The following ZRANB1 variants were observed in gnomAD, a reference collection of about 807,000 sequenced individuals.
ZRANB1 encodes the protein zinc finger RANBP2-type containing 1, also known as ubiquitin thioesterase ZRANB1.
In ZRANB1, 16 loss-of-function variants were observed where a neutral mutation model predicts 80.5. That is an observed-to-expected ratio of 0.20 (90% CI 0.13 to 0.30). The LOEUF (loss-of-function observed/expected upper bound fraction) is 0.30, where lower values mean the gene tolerates loss of function less well. ZRANB1 is among the 10% of genes least tolerant of loss of function. The pLI is 1.00. For missense variants in ZRANB1, 576 were observed against 862.6 expected (o/e 0.67, Z 4.16); for synonymous variants, 291 against 293.1 (o/e 0.99, Z 0.07).
intron 6 of ZRANB1, among the ~76,000 whole-genome samples, chr10:124,982,037 T>G (rs147169025): frequency 3.2e-4 from 48 of 149,154 alleles, no homozygotes; most frequent in Non-Finnish European, 5.3e-4. Flanking sequence ...AAGTATAGAT[T>G]AGCATCGCAA....
chr10:124,965,336 G>T (rs1395787579), intron 1 of ZRANB1, among the ~76,000 whole-genome samples: 1 of 152,184 alleles, frequency 6.6e-6, no homozygotes, highest in Non-Finnish European at 1.5e-5. Context: ...GGGGCAGGGG[G>T]TCATTTTTTT....
At chr10:124,984,575 C>A in intron 8 of ZRANB1, 199 bp from the exon 9 acceptor site, 1 of 536,514 alleles carries the variant, frequency 1.9e-6, no homozygotes, top group Non-Finnish European at 3.2e-6. Context: ...AGAAATTTCC[C>A]ATTTATGTCT....
chr10:124,973,122 C>T (rs1161365993), intron 3 of ZRANB1, among the ~76,000 whole-genome samples: 1 of 152,008 alleles, frequency 6.6e-6, no homozygotes, highest in Non-Finnish European at 1.5e-5. Flanking sequence ...TTTAAGCTTA[C>T]CCCAGAATGA....
chr10:124,929,343 CTT>C, the ZRANB1 span, among the ~76,000 whole-genome samples: 732 of 140,752 alleles, frequency 5.2e-3, 4 homozygotes, highest in African/African-American at 0.015. Context: ...GGCACAGATT[CTT>C]TTTTTTTTTT....
In ZRANB1 at chr10:124,942,434, A is replaced by C. The variant is rs1951544052; in HGVS notation, c.-60A>C. The C allele has an allele frequency of 6.3e-7, 1 of 1,592,460 alleles. No individual in the cohort carries two copies. The highest frequency in any genetic ancestry group is 2.3e-5 in the East Asian group (1 of 44,322). On this transcript the variant is annotated 5_prime_UTR_variant, in exon 1 of 9. Coordinates refer to ENST00000359653, the MANE Select transcript of ZRANB1 (RefSeq NM_017580.3). ...GGAGGTGGAATGTAGTTATTTTAATAACCATGTCCTAATTATTTATAGCTT... is the reference window on the plus strand; with the variant it reads ...GGAGGTGGAATGTAGTTATTTTAATCACCATGTCCTAATTATTTATAGCTT...
chr10:124,980,026 A>G (rs1336640561), intron 5 of ZRANB1, among the ~76,000 whole-genome samples: 2 of 152,228 alleles, frequency 1.3e-5, no homozygotes, highest in Non-Finnish European at 2.9e-5. Context: ...GGATTTCCAT[A>G]TACATTTTAG....
At chr10:124,965,820 A>G (rs1382781902) in intron 1 of ZRANB1, among the ~76,000 whole-genome samples, 1 of 152,184 alleles carries the variant, frequency 6.6e-6, no homozygotes, top group Non-Finnish European at 1.5e-5. Context: ...AGACAGTATT[A>G]CTGTGTTTAC....
chr10:124,922,353 G>A, the ZRANB1 span, among the ~76,000 whole-genome samples: 1 of 131,042 alleles, frequency 7.6e-6, no homozygotes, highest in Non-Finnish European at 1.6e-5. Context: ...TTTTAATAGG[G>A]TCTCACTGTG....
intron 1 of ZRANB1, among the ~76,000 whole-genome samples, chr10:124,943,664 T>G (rs1951556126): frequency 6.6e-6 from 1 of 152,214 alleles, no homozygotes; most frequent in South Asian, 2.1e-4. Context: ...TGTACTAAAT[T>G]GCCCACAATT....
At chr10:124,919,323 T>A in the ZRANB1 span, among the ~76,000 whole-genome samples, 415 of 152,184 alleles carry the variant, frequency 2.7e-3, 4 homozygotes, top group African/African-American at 9.1e-3. Flanking sequence ...GGCGGGCGGA[T>A]CGCCTGAGGT....
chr10:124,953,102 T>C, intron 1 of ZRANB1, among the ~76,000 whole-genome samples: 1 of 150,414 alleles, frequency 6.6e-6, no homozygotes, highest in Non-Finnish European at 1.5e-5. Flanking sequence ...TTTTTTTTTT[T>C]TTTTTTTTAA....
intron 5 of ZRANB1, among the ~76,000 whole-genome samples, chr10:124,979,116 TGAGA>T: frequency 6.6e-6 from 1 of 152,148 alleles, no homozygotes. Context: ...ACAGTGTTGT[TGAGA>T]ATTTGAAGAA....
chr10:124,952,634 A>T (rs185310203), intron 1 of ZRANB1, among the ~76,000 whole-genome samples: 501 of 151,282 alleles, frequency 3.3e-3, no homozygotes, highest in Non-Finnish European at 5.5e-3. Context: ...TTGGAGATGG[A>T]GTTTTCGCTC....
upstream of ZRANB1, among the ~76,000 whole-genome samples, chr10:124,937,831 A>T (rs1269222783): frequency 6.6e-6 from 1 of 152,220 alleles, no homozygotes; most frequent in Non-Finnish European, 1.5e-5. Context: ...GCAGAGCTTG[A>T]TGCACAAATG....
chr10:124,986,523 A>C lies in ZRANB1; in HGVS notation c.*1531A>C, dbSNP rs1404201788. 6.6e-6 allele frequency: 1 copy of C among 152,212 alleles called. No individual in the cohort carries two copies. Among genetic ancestry groups the C allele is most frequent in the East Asian group, 1.9e-4 (1 of 5,204 alleles). 9.4% of individuals were successfully genotyped at this position (152,212 alleles called of 1,614,324 possible). ...TCAGTAAAAAGGTGTTCCCAGGATG[A>C]AAAGATCATTTTTTGCTGCATGCTA... On this transcript the variant is annotated 3_prime_UTR_variant, in exon 9 of 9. Coordinates refer to ENST00000359653, the MANE Select transcript of ZRANB1 (RefSeq NM_017580.3).
intron 1 of ZRANB1, among the ~76,000 whole-genome samples, chr10:124,951,175 T>C (rs1951635924): frequency 6.6e-6 from 1 of 152,208 alleles, no homozygotes; most frequent in South Asian, 2.1e-4. Context: ...AAGTAAATTA[T>C]TAAATTAGTA....
the ZRANB1 span, among the ~76,000 whole-genome samples, chr10:124,918,191 A>T: frequency 1.3e-5 from 2 of 152,100 alleles, no homozygotes; most frequent in African/African-American, 2.4e-5. Context: ...AATTGGAGAT[A>T]ATTTTTTTTT....
chr10:124,949,336 T>G (rs1327790188), intron 1 of ZRANB1, among the ~76,000 whole-genome samples: 4 of 151,934 alleles, frequency 2.6e-5, no homozygotes, highest in African/African-American at 9.7e-5. Context: ...GGAGCTGAGA[T>G]TTGGTTGGGG....
chr10:124,968,850 TTA>T (rs1951797646), intron 2 of ZRANB1, among the ~76,000 whole-genome samples: 1 of 152,168 alleles, frequency 6.6e-6, no homozygotes, highest in Non-Finnish European at 1.5e-5. Flanking sequence ...ATCAGTATAT[TTA>T]TTGCAGTATC....
Sources: gnomAD v4.1 joint callset for allele counts (sites outside exome capture counted in the v4.1 genomes callset) on GRCh38, gnomAD v4.1.1 for gene constraint, MANE v1.5 for transcripts, NCBI Gene and HGNC (gene_info 2026-07-23, HGNC 2026-07-21) for gene names.